TMEM177: variants seen among roughly 807,000 people sequenced by gnomAD.
TMEM177 encodes the protein transmembrane protein 177.
In TMEM177, 4 loss-of-function variants were observed where a neutral mutation model predicts 14.2. That is an observed-to-expected ratio of 0.28 (90% CI 0.14 to 0.64). The LOEUF is 0.64. TMEM177 is among the 30% of genes least tolerant of loss of function. The probability of loss-of-function intolerance (pLI) is 0.82; values close to 1 mark genes in which losing one functional copy is unlikely to be tolerated. For missense variants in TMEM177, 344 were observed against 405.2 expected, an observed-to-expected ratio of 0.85 and a Z score of 1.30; for synonymous variants, 179 against 174.5, an observed-to-expected ratio of 1.03 and a Z score of -0.20.
the TMEM177 span, among the ~76,000 whole-genome samples, chr2:119,704,865 T>C: frequency 6.6e-6 from 1 of 152,186 alleles, no homozygotes; most frequent in South Asian, 2.1e-4. Context: ...ATTGTGTTGA[T>C]TGATAGAGTC....
At chr2:119,685,642 T>C (rs1198776421), downstream of TMEM177, 3 of 717,440 alleles carry the variant, frequency 4.2e-6, no homozygotes, top group Non-Finnish European at 7.8e-6. Context: ...GTAATATTAT[T>C]ATTTCAATTT....
At chr2:119,709,150 C>A in the TMEM177 span, among the ~76,000 whole-genome samples, 3 of 152,170 alleles carry the variant, frequency 2.0e-5, no homozygotes, top group Non-Finnish European at 4.4e-5. Flanking sequence ...CTGTACCATG[C>A]GCGTCTCTTT....
the TMEM177 span, among the ~76,000 whole-genome samples, chr2:119,717,348 AG>A: frequency 1.3e-5 from 2 of 151,800 alleles, no homozygotes; most frequent in African/African-American, 4.8e-5. Flanking sequence ...AAAAAGAAAA[AG>A]AAAAAAAAGA....
the TMEM177 span, among the ~76,000 whole-genome samples, chr2:119,695,793 T>C: frequency 6.6e-6 from 1 of 152,068 alleles, no homozygotes; most frequent in East Asian, 1.9e-4. Flanking sequence ...CTTTTGAGAG[T>C]GGATTTACAG....
the TMEM177 span, among the ~76,000 whole-genome samples, chr2:119,694,560 G>A: frequency 1.1e-4 from 16 of 152,358 alleles, no homozygotes; most frequent in African/African-American, 3.8e-4. Flanking sequence ...GTGTGCAACA[G>A]TGCTGTTGGC....
At chr2:119,688,066 T>C (rs1213918864), downstream of TMEM177, among the ~76,000 whole-genome samples, 7 of 152,130 alleles carry the variant, frequency 4.6e-5, no homozygotes, top group Non-Finnish European at 7.3e-5. Context: ...ATAATGGAAA[T>C]GTTGAATAGC....
chr2:119,690,689 G>C (rs761157623), downstream of TMEM177, among the ~76,000 whole-genome samples: 8 of 152,202 alleles, frequency 5.3e-5, no homozygotes, highest in Non-Finnish European at 8.8e-5. Context: ...CGTGTTTATA[G>C]ACTTCATTGT....
chr2:119,716,705 T>A, the TMEM177 span, among the ~76,000 whole-genome samples: 1 of 152,198 alleles, frequency 6.6e-6, no homozygotes, highest in Non-Finnish European at 1.5e-5. Flanking sequence ...ATCCAGAATA[T>A]AGATCCAATA....
chr2:119,694,552 G>T, the TMEM177 span, among the ~76,000 whole-genome samples: 5 of 152,250 alleles, frequency 3.3e-5, no homozygotes, highest in Non-Finnish European at 5.9e-5. Flanking sequence ...GACCCTGTGT[G>T]TGCAACAGTG....
At chr2:119,717,097 C>T in the TMEM177 span, among the ~76,000 whole-genome samples, 1 of 152,202 alleles carries the variant, frequency 6.6e-6, no homozygotes, top group African/African-American at 2.4e-5. Flanking sequence ...CTTCATGGGA[C>T]ACCATGGGCC....
the TMEM177 span, chr2:119,700,235 G>A: frequency 6.3e-6 from 1 of 158,802 alleles, no homozygotes; most frequent in Admixed American, 6.5e-5. Context: ...AACAAGAGGT[G>A]GGTGTACTTG....
At chr2:119,683,867 GC>G (rs1286528647), downstream of TMEM177, among the ~76,000 whole-genome samples, 2 of 152,098 alleles carry the variant, frequency 1.3e-5, no homozygotes, top group South Asian at 4.2e-4. Context: ...CCCACTGAGA[GC>G]CCCCCTGGCA....
the TMEM177 span, among the ~76,000 whole-genome samples, chr2:119,697,294 CT>C: frequency 6.6e-6 from 1 of 152,236 alleles, no homozygotes; most frequent in East Asian, 1.9e-4. Context: ...GGTGCTGTGG[CT>C]CATGCCTGCA....
At chr2:119,705,654 G>GTGTGTGTA in the TMEM177 span, among the ~76,000 whole-genome samples, 7 of 151,390 alleles carry the variant, frequency 4.6e-5, no homozygotes, top group Non-Finnish European at 8.8e-5. Context: ...GTGTGTGTGT[G>GTGTGTGTA]TATAAAACCC....
the TMEM177 span, among the ~76,000 whole-genome samples, chr2:119,717,789 G>GTTT: frequency 6.6e-6 from 1 of 151,764 alleles, no homozygotes; most frequent in South Asian, 2.1e-4. Context: ...TGTTGTTGTT[G>GTTT]TTGTATTTTT....
chr2:119,692,049 T>G, the TMEM177 span, among the ~76,000 whole-genome samples: 1 of 152,206 alleles, frequency 6.6e-6, no homozygotes, highest in African/African-American at 2.4e-5. Context: ...GGGCCACAGC[T>G]TCCCATCCTG....
chr2:119,692,961 G>A, the TMEM177 span, among the ~76,000 whole-genome samples: 1 of 102,772 alleles, frequency 9.7e-6, no homozygotes. Context: ...GACAAAGCGA[G>A]ATTGTCTCAA....
Position 119,681,410 on chromosome 2 carries a change from G to A in TMEM177, c.557G>A (p.Gly186Asp), listed in dbSNP as rs1187499729. The change falls in exon 2 of 2, where the codon GGT (glycine) becomes GAT (aspartate). Residue 186 changes from glycine to aspartate, a missense_variant. By Grantham distance (94) the Gly-to-Asp change is moderately conservative (BLOSUM62 -1). Coordinates refer to ENST00000272521, the MANE Select transcript of TMEM177 (RefSeq NM_030577.3). ...GCAGGGACCTGGGCACTGGGCGTGG[G>A]TGCCAAGTACACCCTGGGGCTCCAT... ...CLAGTWALGV[G>D]AKYTLGLHAG... 6.2e-7 allele frequency: 1 copy of A among 1,613,960 alleles called. No individual in the cohort carries two copies.
rs367992961 is a variant in TMEM177 at position 119,680,877 on chromosome 2, C to T, written c.24C>T (p.Thr8=). ...TCATGGCAGGTCCCCTGTGGCGGAC[C>T]GCAGCATTTGTGCAGAGACACAGGA... MAGPLWR[T]AAFVQRHRTG... is the part of the protein sequence containing the mutation. The change falls in exon 2 of 2, where the codon ACC becomes ACT. Residue 8 remains threonine, a synonymous_variant. Coordinates refer to ENST00000272521, the MANE Select transcript of TMEM177 (RefSeq NM_030577.3). The T allele has an allele frequency of 1.2e-5, 20 of 1,613,554 alleles. No homozygotes were observed. The highest frequency in any genetic ancestry group is 1.6e-5 in the Non-Finnish European group (19 of 1,179,644).
Sources: gnomAD v4.1 joint callset for allele counts (sites outside exome capture counted in the v4.1 genomes callset) on GRCh38, gnomAD v4.1.1 for gene constraint, MANE v1.5 for transcripts, NCBI Gene and HGNC (gene_info 2026-07-23, HGNC 2026-07-21) for gene names.